PPP2R2B: variants seen among roughly 807,000 people sequenced by gnomAD.
The protein encoded by PPP2R2B is serine/threonine-protein phosphatase 2A 55 kDa regulatory subunit B beta isoform.
In PPP2R2B, 5 loss-of-function variants were observed where a neutral mutation model predicts 46.0. The ratio of observed to expected loss-of-function variants is 0.11; its 90% CI spans 0.06 to 0.23. The LOEUF is 0.23. Among genes scored for constraint, PPP2R2B ranks in the 10% least tolerant of loss-of-function variants. The probability of loss-of-function intolerance (pLI) is 1.00; values close to 1 mark genes in which losing one functional copy is unlikely to be tolerated. For synonymous variants in PPP2R2B, 215 were observed against 206.7 expected (o/e 1.04, Z -0.34); for missense variants, 367 against 575.0 (o/e 0.64, Z 3.70).
intron 1 of PPP2R2B, among the ~76,000 whole-genome samples, chr5:146,950,881 T>C (rs887527550): frequency 2.6e-5 from 4 of 152,082 alleles, no homozygotes; most frequent in Admixed American, 2.0e-4. Context: ...AACAGATATA[T>C]AAGAAATATT....
chr5:146,674,518 G>A lies in PPP2R2B; in HGVS notation c.447+16610C>T, dbSNP rs192062369. On this transcript the variant is annotated intron_variant, in intron 5 of 9. Coordinates refer to ENST00000394411, the MANE Select transcript of PPP2R2B (RefSeq NM_181675.4). ...TCCCTCAGCTCCTACATCCCTTTGT[G>A]TACTGTCTTGATGCACTTTTTGGGT... 1.8e-3 allele frequency among the ~76,000 whole-genome samples: 280 copies of A among 152,288 alleles called. 1 individual carries two copies. Among genetic ancestry groups the A allele is most frequent in the Middle Eastern group, 0.017 (5 of 294 alleles).
intron 1 of PPP2R2B, among the ~76,000 whole-genome samples, chr5:146,917,237 A>G (rs911338702): frequency 6.6e-6 from 1 of 152,226 alleles, no homozygotes; most frequent in Non-Finnish European, 1.5e-5. Context: ...CCCTGCCTGC[A>G]CAGGCTGTCT....
intron 2 of PPP2R2B, chr5:146,706,862 C>T (rs1779894072): frequency 2.4e-6 from 3 of 1,230,266 alleles, no homozygotes; most frequent in Non-Finnish European, 1.2e-6. Flanking sequence ...GTCCAGGGAG[C>T]GGCTGTTGTC....
chr5:147,062,172 C>A (rs1474479510), intron 2 of PPP2R2B, among the ~76,000 whole-genome samples: 1 of 152,192 alleles, frequency 6.6e-6, no homozygotes, highest in African/African-American at 2.4e-5. Context: ...TGTGTTACAA[C>A]TGCCCAGAGT....
Position 146,841,679 on chromosome 5 carries a change from A to C in PPP2R2B, c.70+36323T>G, listed in dbSNP as rs191996175. 3.3e-4 allele frequency among the ~76,000 whole-genome samples: 50 copies of C among 152,334 alleles called. No individual in the cohort carries two copies. In the East Asian group the frequency reaches 9.3e-3, roughly 28 times the overall value. On this transcript the variant is annotated intron_variant, in intron 2 of 9. Coordinates refer to ENST00000394411, the MANE Select transcript of PPP2R2B (RefSeq NM_181675.4). The stretch of plus-strand genomic sequence containing the variant: ...ACCATCATTCTCAGCAAACTAACAC[A>C]AGAACAGAAAACCAAACACCGCATG...
upstream of PPP2R2B, among the ~76,000 whole-genome samples, chr5:146,882,221 G>A (rs957499191): frequency 4.0e-4 from 60 of 150,200 alleles, no homozygotes; most frequent in African/African-American, 1.4e-3. Context: ...AGGTTGCATC[G>A]CACCACTGCA....
intron 2 of PPP2R2B, among the ~76,000 whole-genome samples, chr5:146,776,141 T>C (rs1398055385): frequency 6.6e-6 from 1 of 152,186 alleles, no homozygotes; most frequent in Non-Finnish European, 1.5e-5. Context: ...ATGTGAAAAC[T>C]GATTCTAAAA....
intron 1 of PPP2R2B, among the ~76,000 whole-genome samples, chr5:147,020,016 C>T (rs1166976005): frequency 3.3e-5 from 5 of 152,098 alleles, no homozygotes; most frequent in African/African-American, 7.2e-5. Context: ...CCCTATTAAC[C>T]TGGCCTAGAT....
At chr5:146,696,133 T>C (rs1779165205) in intron 4 of PPP2R2B, among the ~76,000 whole-genome samples, 1 of 151,860 alleles carries the variant, frequency 6.6e-6, no homozygotes, top group Non-Finnish European at 1.5e-5. Context: ...AGATGGAGTC[T>C]TGCTCTGTCG....
intron 2 of PPP2R2B, among the ~76,000 whole-genome samples, chr5:146,849,548 G>C (rs1197299589): frequency 2.6e-5 from 4 of 152,146 alleles, no homozygotes; most frequent in Non-Finnish European, 5.9e-5. Flanking sequence ...AATTCTGGAA[G>C]GGACTACAGA....
intron 1 of PPP2R2B, chr5:147,081,195 A>G: frequency 6.5e-7 from 1 of 1,535,428 alleles, no homozygotes; most frequent in African/African-American, 1.4e-5. Context: ...TGTTCTTAAG[A>G]GACCAACAAG....
rs116416803 is a variant in PPP2R2B at position 146,639,076 on chromosome 5, C to T, written c.626-661G>A. Among the ~76,000 whole-genome samples, 664 of 152,292 alleles carry T rather than the reference C, an allele frequency of 4.4e-3. 7 individuals carry two copies. The highest frequency in any genetic ancestry group is 0.015 in the African/African-American group (639 of 41,554). ...TTTTTCAGGGGTGGAAACGGATGCT[C>T]CATGTGCATAAAGAAACTTGCTTCA... On this transcript the variant is annotated intron_variant, in intron 6 of 9. Transcript: ENST00000394411.
chr5:147,018,836 G>C (rs566390583), intron 1 of PPP2R2B, among the ~76,000 whole-genome samples: 11 of 152,122 alleles, frequency 7.2e-5, no homozygotes, highest in Non-Finnish European at 1.3e-4. Context: ...TAAAGCTACT[G>C]TGGTAAAAAC....
chr5:146,765,864 G>A (rs748566317), intron 2 of PPP2R2B, among the ~76,000 whole-genome samples: 14 of 152,136 alleles, frequency 9.2e-5, no homozygotes, highest in Non-Finnish European at 1.2e-4. Context: ...CCTGACACAC[G>A]TATGCCTTCA....
intron 1 of PPP2R2B, among the ~76,000 whole-genome samples, chr5:146,926,272 C>T (rs1192939705): frequency 2.0e-5 from 3 of 152,066 alleles, no homozygotes; most frequent in East Asian, 3.9e-4. Flanking sequence ...GTGGTTGTTG[C>T]TGGTATTTTG....
chr5:147,033,264 G>A (rs72827251), intron 1 of PPP2R2B, among the ~76,000 whole-genome samples: 9 of 152,212 alleles, frequency 5.9e-5, no homozygotes, highest in Non-Finnish European at 1.2e-4. Context: ...CCACCCATGT[G>A]CATGGCTTTA....
chr5:146,658,534 G>A (rs1339213491), intron 5 of PPP2R2B, among the ~76,000 whole-genome samples: 1 of 152,146 alleles, frequency 6.6e-6, no homozygotes, highest in African/African-American at 2.4e-5. Flanking sequence ...TCTTCAATGA[G>A]AATACCATTC....
At chr5:146,893,308 T>C (rs319183) in intron 1 of PPP2R2B, among the ~76,000 whole-genome samples, 71,079 of 151,762 alleles carry the variant, frequency 0.47, 17,908 homozygotes, top group East Asian at 0.7. Flanking sequence ...TATTTTGATG[T>C]AGACAACCAT....
intron 5 of PPP2R2B, among the ~76,000 whole-genome samples, chr5:146,689,099 G>C (rs7736604): frequency 4.6e-5 from 7 of 151,904 alleles, no homozygotes; most frequent in Non-Finnish European, 8.8e-5. Context: ...TCAGTAGGGG[G>C]TAATAATAGC....
Sources: gnomAD v4.1 joint callset for allele counts (sites outside exome capture counted in the v4.1 genomes callset) on GRCh38, gnomAD v4.1.1 for gene constraint, MANE v1.5 for transcripts, NCBI Gene and HGNC (gene_info 2026-07-23, HGNC 2026-07-21) for gene names.